AGGF1: variants seen among roughly 807,000 people sequenced by gnomAD.
AGGF1 encodes angiogenic factor with G-patch and FHA domains 1.
A neutral mutation model predicts 86.5 loss-of-function variants in AGGF1; 56 were observed. The ratio of observed to expected loss-of-function variants is 0.65; its 90% CI spans 0.52 to 0.81. AGGF1 has a LOEUF of 0.81. Among genes scored for constraint, AGGF1 ranks in the 30% least tolerant of loss-of-function variants. AGGF1 has a pLI of 0.00. For missense variants in AGGF1, 816 were observed against 850.9 expected (o/e 0.96, Z 0.51); for synonymous variants, 313 against 297.1 (o/e 1.05, Z -0.55).
rs770393573 is a variant in AGGF1 at position 77,055,497 on chromosome 5, A to G, written c.1634-17A>G. On this transcript the variant is annotated splice_polypyrimidine_tract_variant and intron_variant, in intron 10 of 13. Transcript: ENST00000312916. Reference sequence around the variant, plus strand: ...AGATTTAGTGGCTTTTTTTTAACCAAACTTTTTTTCTTTCAGTTGGTCCAA... The same window carrying G: ...AGATTTAGTGGCTTTTTTTTAACCAGACTTTTTTTCTTTCAGTTGGTCCAA... The G allele has an allele frequency of 6.4e-7, 1 of 1,562,122 alleles. No homozygotes were observed. Among genetic ancestry groups the G allele is most frequent in the Non-Finnish European group, 8.8e-7 (1 of 1,135,566 alleles).
intron 4 of AGGF1, 73 bp from the exon 5 acceptor site, chr5:77,039,454 TTGAA>T (rs1747024659): frequency 1.5e-5 from 16 of 1,079,342 alleles, no homozygotes; most frequent in Non-Finnish European, 1.8e-5. Flanking sequence ...TTTACCACAT[TTGAA>T]TGTATTTGGC....
At chr5:77,060,362 G>A (rs951844445) in intron 12 of AGGF1, among the ~76,000 whole-genome samples, 24 of 152,142 alleles carry the variant, frequency 1.6e-4, no homozygotes, top group African/African-American at 5.8e-4. Flanking sequence ...AGATTGGTAA[G>A]AACTTGGTAT....
In AGGF1 at chr5:77,054,045, T is replaced by G. The variant is rs777260239; in HGVS notation, c.1548T>G (p.Ile516Met). 1.2e-6 allele frequency: 2 copies of G among 1,614,168 alleles called. No individual in the cohort carries two copies. ...KIGETVLSFH[I>M]HPGSDTCDGC... is the part of the protein sequence containing the mutation. ...GAGAAACTGTCTTATCCTTTCACAT[T>G]CATCCTGGCAGTGATACCTGTGATG... Residue 516 changes from isoleucine to methionine, a missense_variant, in exon 10 of 14, where the codon ATT (isoleucine) becomes ATG (methionine). This residue lies in a region of AGGF1 where 565 missense variants were observed against 585.8 expected (regional missense o/e 0.96). Coordinates refer to ENST00000312916, the MANE Select transcript of AGGF1 (RefSeq NM_018046.5).
intron 5 of AGGF1, 46 bp downstream of exon 5, chr5:77,039,765 G>C: frequency 6.5e-7 from 1 of 1,536,740 alleles, no homozygotes; most frequent in Non-Finnish European, 8.9e-7. Context: ...GTGATAACAT[G>C]ATAATTAAGA....
Position 77,041,782 on chromosome 5 carries a change from T to A in AGGF1, c.870+2063T>A. On this transcript the variant is annotated intron_variant, in intron 5 of 13. Transcript: ENST00000312916. ...AATGTGCGAATTCCAAGACAAGAAC[T>A]TTTTTTATTTATTTATTTATTTATT... Among the ~76,000 whole-genome samples the A allele has an allele frequency of 1.8e-5, 2 of 109,870 alleles. 1 individual carries two copies. Among genetic ancestry groups the A allele is most frequent in the African/African-American group, 7.0e-5 (2 of 28,370 alleles). 72.1% of individuals were successfully genotyped at this position (109,870 alleles called of 152,430 possible).
At chr5:77,042,389 G>A (rs1487349817) in intron 5 of AGGF1, among the ~76,000 whole-genome samples, 94 of 139,924 alleles carry the variant, frequency 6.7e-4, no homozygotes, top group African/African-American at 2.2e-3. Context: ...AGGGGCGGCC[G>A]GGCAGAGGCG....
chr5:77,041,966 G>C lies in AGGF1; in HGVS notation c.870+2247G>C, dbSNP rs374881116. Among the ~76,000 whole-genome samples the C allele has an allele frequency of 2.0e-5, 3 of 150,784 alleles. No individual in the cohort carries two copies. The South Asian group carries it at 6.3e-4, about 32-fold the overall frequency. On this transcript the variant is annotated intron_variant, in intron 5 of 13. Coordinates refer to ENST00000312916, the MANE Select transcript of AGGF1 (RefSeq NM_018046.5). ...TAGGCAGAGGACCCTGCGGCCTTCC[G>C]CAGTGTTTGTGTCCCTGGGTACTTG...
chr5:77,041,809 A>T lies in AGGF1; in HGVS notation c.870+2090A>T, dbSNP rs1444912627. On this transcript the variant is annotated intron_variant, in intron 5 of 13. Transcript: ENST00000312916. ...TTTTTATTTATTTATTTATTTATTT[A>T]TTTATTTTTAATTTATTTTTTTATT... Among the ~76,000 whole-genome samples, 1,099 of 115,500 alleles carry T rather than the reference A, an allele frequency of 9.5e-3. 12 individuals are homozygous for T. Among genetic ancestry groups the T allele is most frequent in the African/African-American group, 0.024 (747 of 31,694 alleles). The allele number at this position is 115,500 out of a possible 152,430, so 75.8% of individuals were successfully genotyped here.
At position 77,030,496 on chromosome 5, in the gene AGGF1, T is replaced by C. The variant is rs954518648; in HGVS notation, c.-271T>C. The C allele has an allele frequency of 1.5e-6, 1 of 647,128 alleles. No individual in the cohort carries two copies. Among genetic ancestry groups the C allele is most frequent in the Non-Finnish European group, 2.9e-6 (1 of 349,962 alleles). 40.1% of individuals were successfully genotyped at this position (647,128 alleles called of 1,614,324 possible). A position where few individuals can be genotyped will look rare whatever the true frequency, so the allele number is the denominator to read the frequency against. On this transcript the variant is annotated 5_prime_UTR_variant, in exon 1 of 14. Coordinates refer to ENST00000312916, the MANE Select transcript of AGGF1 (RefSeq NM_018046.5). Reference sequence around the variant, plus strand: ...TCCGACGCTCCTCCCTCTGTCTCTGTAGCTGGAGAAGGTAGTTTCCAGGAA... The same window carrying C: ...TCCGACGCTCCTCCCTCTGTCTCTGCAGCTGGAGAAGGTAGTTTCCAGGAA...
At chr5:77,045,490 A>G (rs1747231621) in intron 5 of AGGF1, among the ~76,000 whole-genome samples, 2 of 152,396 alleles carry the variant, frequency 1.3e-5, no homozygotes, top group South Asian at 2.1e-4. Context: ...CATATCAACT[A>G]TAAATGTACA....
chr5:77,039,359 A>C (rs1161461184), intron 4 of AGGF1, among the ~76,000 whole-genome samples, 172 bp from the exon 5 acceptor site: 1 of 152,188 alleles, frequency 6.6e-6, no homozygotes, highest in African/African-American at 2.4e-5. Context: ...ATTGAATGGT[A>C]AAGTATTTTG....
rs1042656666 is a variant in AGGF1 at position 77,064,668 on chromosome 5, G to A, written c.*1416G>A. 6.6e-6 allele frequency: 1 copy of A among 152,180 alleles called. No individual in the cohort carries two copies. The highest frequency in any genetic ancestry group is 6.5e-5 in the Admixed American group (1 of 15,278). 9.4% of individuals were successfully genotyped at this position (152,180 alleles called of 1,614,324 possible). On this transcript the variant is annotated 3_prime_UTR_variant, in exon 14 of 14. Transcript: ENST00000312916. ...GCCACCTGCATAGTCTGACACATAC[G>A]TATGTACAGTTAGACTTGCAGGCTG...
At chr5:77,035,402 A>G in intron 2 of AGGF1, 139 bp from the exon 3 acceptor site, 2 of 684,502 alleles carry the variant, frequency 2.9e-6, no homozygotes, top group South Asian at 3.9e-5. Flanking sequence ...TTAATCTTTT[A>G]AAATTTGTAC....
rs541415087 is a variant in AGGF1 at position 77,064,795 on chromosome 5, C to T, written c.*1543C>T. 7.2e-5 allele frequency: 11 copies of T among 152,174 alleles called. No homozygotes were observed. Among genetic ancestry groups the T allele is most frequent in the African/African-American group, 1.7e-4 (7 of 41,508 alleles). The allele number at this position is 152,174 out of a possible 1,614,324, so 9.4% of individuals were successfully genotyped here. The stretch of plus-strand genomic sequence containing the variant: ...CTGTATATATGTAACAATATAGGAC[C>T]CCTCCAAATAGGTTTTGCTTCTGGT... On this transcript the variant is annotated 3_prime_UTR_variant, in exon 14 of 14. Transcript: ENST00000312916.
Position 77,053,966 on chromosome 5 carries a change from C to A in AGGF1, c.1469C>A (p.Pro490Gln), listed in dbSNP as rs751751543. Reference protein sequence around the residue: ...TIVNGKQILQPKTKCDPYVLE... With the variant: ...TIVNGKQILQQKTKCDPYVLE... ...TTTTGTAAAATGTTTCCCCTCTAGCCGAAAACTAAATGTGACCCTTACGTA... is the reference window on the plus strand; with the variant it reads ...TTTTGTAAAATGTTTCCCCTCTAGCAGAAAACTAAATGTGACCCTTACGTA... The change falls in exon 10 of 14, where the codon CCG becomes CAG. Residue 490 changes from proline to glutamine, a missense_variant and splice_region_variant. Pro to Gln is a moderately conservative substitution (Grantham distance 76). Around this residue, in one of 3 missense-constraint regions of AGGF1, gnomAD observed 565 missense variants for 585.8 expected, o/e 0.96. Transcript: ENST00000312916. 6.2e-7 allele frequency: 1 copy of A among 1,613,936 alleles called. No homozygotes were observed. The highest frequency in any genetic ancestry group is 8.5e-7 in the Non-Finnish European group (1 of 1,179,988).
intron 5 of AGGF1, among the ~76,000 whole-genome samples, chr5:77,042,251 T>C (rs1421998646): frequency 6.6e-6 from 1 of 150,594 alleles, no homozygotes; most frequent in African/African-American, 2.4e-5. Flanking sequence ...TCTCAATCTT[T>C]TCCCCACCTT....
At chr5:77,055,798 A>G (rs1051663479) in intron 11 of AGGF1, among the ~76,000 whole-genome samples, 1 of 152,242 alleles carries the variant, frequency 6.6e-6, no homozygotes, top group African/African-American at 2.4e-5. Context: ...CTACATTTGA[A>G]TATACATTTC....
chr5:77,036,982 TA>T (rs1261822956), intron 4 of AGGF1, among the ~76,000 whole-genome samples: 1 of 152,176 alleles, frequency 6.6e-6, no homozygotes, highest in African/African-American at 2.4e-5. Flanking sequence ...GACCTTTTAA[TA>T]CTGTATGATA....
At chr5:77,042,540 C>A (rs1381331244) in intron 5 of AGGF1, among the ~76,000 whole-genome samples, 3 of 63,932 alleles carry the variant, frequency 4.7e-5, no homozygotes, top group African/African-American at 9.4e-5. Context: ...CGGGCAGAGG[C>A]GCCCCTCACC....
Sources: allele counts gnomAD v4.1 joint callset (sites outside exome capture counted in the v4.1 genomes callset), GRCh38; gene constraint gnomAD v4.1.1; regional missense constraint gnomAD v4.1.1; transcripts MANE v1.5; gene names NCBI Gene and HGNC (gene_info 2026-07-23, HGNC 2026-07-21).